SLC4A4: variants seen among roughly 807,000 people sequenced by gnomAD.
SLC4A4 encodes solute carrier family 4 member 4.
SLC4A4 carries 27 observed loss-of-function variants against 111.5 expected under a neutral mutation model. The ratio of observed to expected loss-of-function variants is 0.24; its 90% CI spans 0.18 to 0.33. The LOEUF (loss-of-function observed/expected upper bound fraction) is 0.33, where lower values mean the gene tolerates loss of function less well. Among genes scored for constraint, SLC4A4 ranks in the 10% least tolerant of loss-of-function variants. SLC4A4 has a pLI of 1.00. For synonymous variants in SLC4A4, 443 were observed against 463.4 expected (o/e 0.96, Z 0.57); for missense variants, 909 against 1,315.5 (o/e 0.69, Z 4.78).
At chr4:71,111,503 G>T (rs1743083859) in intron 2 of SLC4A4, among the ~76,000 whole-genome samples, 1 of 141,404 alleles carries the variant, frequency 7.1e-6, no homozygotes, top group African/African-American at 2.7e-5. Context: ...CTGGATTACA[G>T]GTGCCTGCCA....
chr4:71,083,439 C>T (rs1464805771), intron 1 of SLC4A4, among the ~76,000 whole-genome samples: 1 of 151,836 alleles, frequency 6.6e-6, no homozygotes, highest in Non-Finnish European at 1.5e-5. Flanking sequence ...CCTACTCTTC[C>T]AACTCTTGCC....
chr4:71,089,591 C>T (rs1181235350), intron 1 of SLC4A4, among the ~76,000 whole-genome samples: 2 of 151,874 alleles, frequency 1.3e-5, no homozygotes, highest in African/African-American at 4.8e-5. Context: ...GATGTCCTTT[C>T]TGTTTGTTAG....
intron 12 of SLC4A4, among the ~76,000 whole-genome samples, chr4:71,460,201 T>A (rs1471775535): frequency 5.3e-5 from 8 of 152,126 alleles, no homozygotes; most frequent in Admixed American, 5.2e-4. Context: ...TTTCTTCTTT[T>A]CATGATATAT....
intron 1 of SLC4A4, among the ~76,000 whole-genome samples, chr4:71,208,548 G>GT (rs1221156893): frequency 2.0e-5 from 3 of 151,270 alleles, no homozygotes; most frequent in Non-Finnish European, 4.4e-5. Context: ...ATAAAATGTG[G>GT]TATTACACAA....
chr4:71,091,338 C>T (rs559162924), intron 1 of SLC4A4, among the ~76,000 whole-genome samples: 13 of 151,118 alleles, frequency 8.6e-5, no homozygotes, highest in Admixed American at 3.3e-4. Flanking sequence ...CTGCAAGCTC[C>T]GCATTCCGGG....
chr4:71,469,465 TG>T (rs1727672084), intron 13 of SLC4A4, among the ~76,000 whole-genome samples: 1 of 151,958 alleles, frequency 6.6e-6, no homozygotes, highest in South Asian at 2.1e-4. Context: ...CTTGTATCCT[TG>T]GTTTTATGCT....
At chr4:71,518,220 G>T (rs886437563) in intron 16 of SLC4A4, among the ~76,000 whole-genome samples, 1 of 152,126 alleles carries the variant, frequency 6.6e-6, no homozygotes, top group African/African-American at 2.4e-5. Context: ...GAAGCTGGTT[G>T]TATGGGTGCT....
chr4:71,370,001 AG>A (rs1731713073), intron 6 of SLC4A4, among the ~76,000 whole-genome samples: 1 of 152,230 alleles, frequency 6.6e-6, no homozygotes, highest in Non-Finnish European at 1.5e-5. Flanking sequence ...CTTTTAGAGC[AG>A]GTGTTTTCTG....
chr4:71,089,249 A>G (rs1441111731), intron 1 of SLC4A4, among the ~76,000 whole-genome samples: 1 of 151,192 alleles, frequency 6.6e-6, no homozygotes, highest in African/African-American at 2.4e-5. Context: ...CAGCTCCATC[A>G]GGTCCTTTAA....
chr4:71,246,403 A>G (rs1477655169), intron 2 of SLC4A4, among the ~76,000 whole-genome samples: 1 of 152,170 alleles, frequency 6.6e-6, no homozygotes, highest in African/African-American at 2.4e-5. Flanking sequence ...AAAGGAATTT[A>G]GGTAGGGAGA....
At chr4:71,391,619 T>G (rs1719279161) in intron 6 of SLC4A4, among the ~76,000 whole-genome samples, 1 of 152,116 alleles carries the variant, frequency 6.6e-6, no homozygotes, top group Non-Finnish European at 1.5e-5. Flanking sequence ...TGAAACTGCT[T>G]GAAAATGTGA....
intron 5 of SLC4A4, among the ~76,000 whole-genome samples, chr4:71,355,328 A>C (rs1296005484): frequency 6.6e-6 from 1 of 152,192 alleles, no homozygotes; most frequent in Admixed American, 6.5e-5. Context: ...TCTTCTGTAA[A>C]ATGGACTTTC....
At chr4:71,091,383 G>C (rs933153199) in intron 1 of SLC4A4, among the ~76,000 whole-genome samples, 2 of 151,868 alleles carry the variant, frequency 1.3e-5, no homozygotes, top group African/African-American at 4.8e-5. Context: ...CTCCCGAGTA[G>C]CTGGGACTAC....
At chr4:71,536,482 A>ATATATATATG (rs1320351906) in intron 18 of SLC4A4, among the ~76,000 whole-genome samples, 3 of 103,932 alleles carry the variant, frequency 2.9e-5, no homozygotes, top group African/African-American at 1.0e-4. Flanking sequence ...ATATATATAT[A>ATATATATATG]TATATGTATA....
chr4:71,250,010 G>A (rs890430036), intron 2 of SLC4A4, among the ~76,000 whole-genome samples: 1 of 152,054 alleles, frequency 6.6e-6, no homozygotes. Context: ...CTGTAGTTTG[G>A]TTTAAGTTTT....
chr4:71,505,447 G>A (rs868347047), intron 16 of SLC4A4, among the ~76,000 whole-genome samples: 5 of 151,456 alleles, frequency 3.3e-5, no homozygotes, highest in Non-Finnish European at 5.9e-5. Context: ...GTAATGATTA[G>A]TAATGTTGAG....
chr4:71,210,516 G>A (rs1718070104), intron 1 of SLC4A4, among the ~76,000 whole-genome samples: 1 of 152,138 alleles, frequency 6.6e-6, no homozygotes, highest in South Asian at 2.1e-4. Context: ...AATTTTTCAG[G>A]AAACATTTTC....
At chr4:71,121,677 C>A (rs1560730829) in intron 2 of SLC4A4, among the ~76,000 whole-genome samples, 2 of 151,632 alleles carry the variant, frequency 1.3e-5, no homozygotes, top group Non-Finnish European at 3.0e-5. Context: ...CAAAACGGAC[C>A]AATCAGCTCT....
chr4:71,226,180 C>T (rs971115621), intron 1 of SLC4A4, among the ~76,000 whole-genome samples: 3 of 152,008 alleles, frequency 2.0e-5, no homozygotes, highest in African/African-American at 4.8e-5. Context: ...TTGCATAGGC[C>T]GGAGTGCAGT....
Sources: allele counts gnomAD v4.1 joint callset (sites outside exome capture counted in the v4.1 genomes callset), GRCh38; gene constraint gnomAD v4.1.1; transcripts MANE v1.5; gene names NCBI Gene and HGNC (gene_info 2026-07-23, HGNC 2026-07-21).